ZNF608: variants seen among roughly 807,000 people sequenced by gnomAD.
ZNF608 encodes the protein zinc finger protein 608.
A neutral mutation model predicts 109.0 loss-of-function variants in ZNF608; 12 were observed. That is an observed-to-expected ratio of 0.11 (90% CI 0.07 to 0.18). The LOEUF is 0.18. Among genes scored for constraint, ZNF608 ranks in the 10% least tolerant of loss-of-function variants. The probability of loss-of-function intolerance (pLI) is 1.00; values close to 1 mark genes in which losing one functional copy is unlikely to be tolerated. For synonymous variants in ZNF608, 732 were observed against 717.4 expected, an observed-to-expected ratio of 1.02 and a Z score of -0.33; for missense variants, 1,707 against 1,879.3, an observed-to-expected ratio of 0.91 and a Z score of 1.70.
intron 2 of ZNF608, among the ~76,000 whole-genome samples, chr5:124,721,509 CAT>C (rs927771732): frequency 5.3e-5 from 8 of 152,168 alleles, no homozygotes; most frequent in Middle Eastern, 6.8e-3. Flanking sequence ...AGATAAACGA[CAT>C]GTGTTTCCAG....
At chr5:124,722,601 A>G (rs1753976814) in intron 2 of ZNF608, among the ~76,000 whole-genome samples, 1 of 151,648 alleles carries the variant, frequency 6.6e-6, no homozygotes, top group African/African-American at 2.4e-5. Context: ...ACACACACAC[A>G]CACACACACA....
chr5:124,722,457 C>CT (rs1207385974), intron 2 of ZNF608, among the ~76,000 whole-genome samples: 1 of 152,050 alleles, frequency 6.6e-6, no homozygotes, highest in East Asian at 1.9e-4. Flanking sequence ...AGCTGCAAAT[C>CT]ATTAGTCCTT....
At chr5:124,725,122 T>C (rs979635231) in intron 2 of ZNF608, among the ~76,000 whole-genome samples, 3 of 152,066 alleles carry the variant, frequency 2.0e-5, no homozygotes, top group Non-Finnish European at 2.9e-5. Context: ...ACACAGGTCC[T>C]GGGTCTAAAA....
chr5:124,721,920 C>T (rs1222244528), intron 2 of ZNF608, among the ~76,000 whole-genome samples: 2 of 91,946 alleles, frequency 2.2e-5, no homozygotes, highest in East Asian at 2.8e-4. Flanking sequence ...CCAGCCTGGG[C>T]GACAGAATGA....
chr5:124,688,072 T>C (rs1752472317), intron 3 of ZNF608, among the ~76,000 whole-genome samples: 1 of 152,042 alleles, frequency 6.6e-6, no homozygotes, highest in Non-Finnish European at 1.5e-5. Flanking sequence ...CAAAGAAAAA[T>C]GTTTGCAGAG....
intron 2 of ZNF608, among the ~76,000 whole-genome samples, chr5:124,725,937 G>C (rs1383678055): frequency 6.6e-6 from 1 of 152,078 alleles, no homozygotes; most frequent in African/African-American, 2.4e-5. Flanking sequence ...GCCCCTTATA[G>C]AAAAGGGTGC....
intron 3 of ZNF608, among the ~76,000 whole-genome samples, chr5:124,694,245 G>A (rs924342902): frequency 2.8e-5 from 4 of 144,966 alleles, no homozygotes; most frequent in Admixed American, 7.3e-5. Context: ...CGCCCGCCTC[G>A]GCCTCCCAAA....
Position 124,647,253 on chromosome 5 carries a change from G to A in ZNF608, c.3131C>T (p.Ala1044Val). ...SEEDAEKKDK[A>V]EQLDSKKVDH... ...CACTTTCTTAGAATCTAACTGCTCT[G>A]CCTTGTCTTTCTTTTCAGCATCTTC... is the stretch of plus-strand genomic sequence containing the variant. The change falls in exon 5 of 10, where the codon GCA (alanine) becomes GTA (valine). Residue 1044 changes from alanine to valine, a missense_variant. By Grantham distance (64) the Ala-to-Val change is moderately conservative (BLOSUM62 0). Coordinates refer to ENST00000513986, the MANE Select transcript of ZNF608 (RefSeq NM_020747.3). The A allele has an allele frequency of 6.2e-7, 1 of 1,614,208 alleles. No individual in the cohort carries two copies. The highest frequency in any genetic ancestry group is 8.5e-7 in the Non-Finnish European group (1 of 1,180,050).
At chr5:124,651,985 T>A (rs1750806873) in intron 3 of ZNF608, among the ~76,000 whole-genome samples, 1 of 151,808 alleles carries the variant, frequency 6.6e-6, no homozygotes, top group African/African-American at 2.4e-5. Flanking sequence ...GTGACCGTGC[T>A]GCGCTCCCCG....
intron 3 of ZNF608, among the ~76,000 whole-genome samples, chr5:124,649,966 C>G (rs529668353): frequency 5.3e-5 from 8 of 152,220 alleles, no homozygotes; most frequent in Non-Finnish European, 1.0e-4. Context: ...ATACTGCTGA[C>G]AGAAGGAAAT....
chr5:124,671,546 CTT>C (rs2149814308), intron 3 of ZNF608, among the ~76,000 whole-genome samples: 1 of 152,110 alleles, frequency 6.6e-6, no homozygotes, highest in Admixed American at 6.5e-5. Flanking sequence ...AAATTTGTCT[CTT>C]TTCCCTTAAA....
chr5:124,675,198 A>C (rs77274665), intron 3 of ZNF608, among the ~76,000 whole-genome samples: 4,681 of 152,334 alleles, frequency 0.031, 167 homozygotes, highest in East Asian at 0.14. Flanking sequence ...TGAAATTTAC[A>C]GAAGGCTGAA....
At chr5:124,707,840 T>C (rs1231622181) in intron 2 of ZNF608, 2 of 152,234 alleles carry the variant, frequency 1.3e-5, no homozygotes, top group Non-Finnish European at 2.9e-5. Context: ...GAGGCTGAAT[T>C]TCCATCCCTA....
intron 3 of ZNF608, among the ~76,000 whole-genome samples, chr5:124,695,933 C>T (rs1009574011): frequency 1.3e-5 from 2 of 152,098 alleles, no homozygotes; most frequent in African/African-American, 4.8e-5. Flanking sequence ...CCTGTAATCC[C>T]AGCACTTTGG....
At chr5:124,641,641 C>T (rs6867052) in intron 7 of ZNF608, among the ~76,000 whole-genome samples, 10,318 of 152,198 alleles carry the variant, frequency 0.068, 379 homozygotes, top group African/African-American at 0.074. Context: ...CCAATGTTTT[C>T]CTGAAATGAC....
chr5:124,666,635 G>C (rs995667811), intron 3 of ZNF608, among the ~76,000 whole-genome samples: 4 of 151,718 alleles, frequency 2.6e-5, no homozygotes, highest in African/African-American at 9.7e-5. Context: ...CGCTCCCCCA[G>C]CCCTGGAAGA....
chr5:124,743,083 T>C lies in ZNF608; in HGVS notation c.906+1001A>G, dbSNP rs376584494. ...CCCAAACATTAGTCAATGTGGTCTA[T>C]GACTAAGCAGCAAAACATGGTGTGG... is the stretch of plus-strand genomic sequence containing the variant. On this transcript the variant is annotated intron_variant, in intron 2 of 9. Transcript: ENST00000513986. 1.1e-4 allele frequency among the ~76,000 whole-genome samples: 17 copies of C among 152,316 alleles called. No homozygotes were observed. In the South Asian group the frequency reaches 3.3e-3, roughly 30 times the overall value.
chr5:124,706,893 G>A (rs1462396055), intron 2 of ZNF608, among the ~76,000 whole-genome samples: 5 of 152,286 alleles, frequency 3.3e-5, no homozygotes, highest in East Asian at 3.9e-4. Context: ...TATTTATCAC[G>A]CGAGAGAGCC....
At position 124,648,951 on chromosome 5, in the gene ZNF608, C is replaced by T. The variant is rs770392754; in HGVS notation, c.1433G>A (p.Gly478Glu). 1.9e-6 allele frequency: 3 copies of T among 1,614,028 alleles called. No homozygotes were observed. In the South Asian group the frequency reaches 3.3e-5, roughly 18 times the overall value. ...AGCACAATTTGGGGGTGTCCTTCGT[C>T]CGCTGGCATTGAGGCTGCCCCGCCT... is the stretch of plus-strand genomic sequence containing the variant. ...KGRRGSLNAS[G>E]RRTPPNCAAE... Residue 478 changes from glycine to glutamate, a missense_variant, in exon 5 of 10, where the codon GGA becomes GAA. Physicochemically the swap from Gly to Glu is moderately conservative, Grantham distance 98 (BLOSUM62 -2). Around this residue, in one of 7 missense-constraint regions of ZNF608, gnomAD observed 166 missense variants for 204.2 expected, o/e 0.81. Transcript: ENST00000513986.
Sources: gnomAD v4.1 joint callset for allele counts (sites outside exome capture counted in the v4.1 genomes callset) on GRCh38, gnomAD v4.1.1 for gene constraint, gnomAD v4.1.1 regional missense constraint, MANE v1.5 for transcripts, NCBI Gene and HGNC (gene_info 2026-07-23, HGNC 2026-07-21) for gene names.